Variants in GRIN1 observed in about 807,000 individuals in gnomAD.
The protein encoded by GRIN1 is glutamate ionotropic receptor NMDA type subunit 1.
Under a neutral mutation model 103.0 loss-of-function variants are expected in GRIN1, and 38 were observed. The observed-to-expected ratio is 0.37, with a 90% CI of 0.28 to 0.48. The LOEUF (loss-of-function observed/expected upper bound fraction) is 0.48, where lower values mean the gene tolerates loss of function less well. Ranked by LOEUF, GRIN1 falls within the 20% of genes least tolerant of loss-of-function variation. GRIN1 has a pLI of 0.98. For missense variants in GRIN1, 577 were observed against 1,288.9 expected (o/e 0.45, Z 8.46); for synonymous variants, 544 against 532.7 (o/e 1.02, Z -0.29).
chr9:137,150,420 C>T (rs188883507), intron 4 of GRIN1, among the ~76,000 whole-genome samples: 7 of 146,376 alleles, frequency 4.8e-5, no homozygotes, highest in Middle Eastern at 4.1e-3. Flanking sequence ...GGGAAAGCCC[C>T]ACCCAGGGAA....
At chr9:137,149,181 G>A in intron 4 of GRIN1, 72 bp downstream of exon 4, 2 of 1,046,480 alleles carry the variant, frequency 1.9e-6, no homozygotes, top group South Asian at 2.7e-5. Context: ...ATCTGAGCCA[G>A]AGCTGGGACA....
chr9:137,159,167 G>A (rs1017937571), intron 8 of GRIN1, among the ~76,000 whole-genome samples: 1 of 152,040 alleles, frequency 6.6e-6, no homozygotes, highest in African/African-American at 2.4e-5. Flanking sequence ...CTGGGCCTCT[G>A]AGAGCCTCTG....
intron 15 of GRIN1, 58 bp from the exon 16 acceptor site, chr9:137,163,111 G>T: frequency 6.3e-7 from 1 of 1,598,636 alleles, no homozygotes; most frequent in East Asian, 2.2e-5. Flanking sequence ...GAGGGCGCGG[G>T]CGTGGGGCTT....
rs979856924 is a variant in GRIN1 at position 137,163,474 on chromosome 9, AGGCCCCGCCCC to A, written c.2334-73_2334-63del. The A allele has an allele frequency of 7.5e-5, 102 of 1,361,158 alleles. No individual in the cohort carries two copies. In the African/African-American group the frequency reaches 1.3e-3, roughly 17 times the overall value. The allele number at this position is 1,361,158 out of a possible 1,614,324, so 84.3% of individuals were successfully genotyped here. On this transcript the variant is annotated intron_variant, in intron 16 of 19. Transcript: ENST00000371561. ...CACTCCACGCCGCACCCTACCCCGC[AGGCCCCGCCCC>A]GGCCCCGCCCCCAGCTTGCTCCTTC...
rs202160831 is a variant in GRIN1, at chr9:137,139,762, C to T, written c.258+18C>T. Reference sequence around the variant, plus strand: ...CCAGCCAGGTGCCCTCCCCCACCTCCGCCACCCACCTCCCCTCTCCTCCAT... The same window carrying T: ...CCAGCCAGGTGCCCTCCCCCACCTCTGCCACCCACCTCCCCTCTCCTCCAT... On this transcript the variant is annotated intron_variant, in intron 1 of 19. Transcript: ENST00000371561. The surrounding 1 kb of genome is among the most constrained non-coding windows in gnomAD (Gnocchi z 7.7). The T allele has an allele frequency of 1.7e-3, 2,643 of 1,597,266 alleles. 2 individuals carry two copies. The highest frequency in any genetic ancestry group is 1.8e-3 in the Non-Finnish European group (2,139 of 1,165,152).
chr9:137,147,733 G>C (rs1388825411), intron 3 of GRIN1, among the ~76,000 whole-genome samples: 1 of 152,270 alleles, frequency 6.6e-6, no homozygotes, highest in African/African-American at 2.4e-5. Context: ...AGGAGAGGGA[G>C]GGGGAGGGAC....
In GRIN1 at chr9:137,158,638, G is replaced by A. The variant is rs778284712; in HGVS notation, c.1131G>A (p.Arg377=). The change falls in exon 8 of 20, where the codon AGG becomes AGA. Residue 377 remains arginine (R), a synonymous_variant. Transcript: ENST00000371561. The part of the protein sequence containing the change: ...YNGTHVIPND[R]KIIWPGGETE... ...ACCCCCAGGTCATCCCTAATGACAG[G>A]AAGATCATCTGGCCAGGCGGAGAGA... is the stretch of plus-strand genomic sequence containing the variant. 3.5e-5 allele frequency: 56 copies of A among 1,612,754 alleles called. No individual in the cohort carries two copies. In the South Asian group the frequency reaches 5.8e-4, roughly 17 times the overall value.
At chr9:137,157,127 G>T in intron 6 of GRIN1, 90 bp downstream of exon 6, 3 of 1,144,676 alleles carry the variant, frequency 2.6e-6, no homozygotes, top group Non-Finnish European at 3.7e-6. Context: ...CTCTTGGGGA[G>T]GTGGGCGGGG....
In GRIN1 at chr9:137,158,620, G is replaced by C; in HGVS notation, c.1114-1G>C. On this transcript the variant is annotated splice_acceptor_variant, in intron 7 of 19. Coordinates refer to ENST00000371561, the MANE Select transcript of GRIN1 (RefSeq NM_007327.4). LOFTEE classifies it high-confidence loss of function. ...CCTCCATCTCATACTCCCACCCCCA[G>C]GTCATCCCTAATGACAGGAAGATCA... 1.2e-6 allele frequency: 2 copies of C among 1,612,610 alleles called. No homozygotes were observed. Among genetic ancestry groups the C allele is most frequent in the Non-Finnish European group, 1.7e-6 (2 of 1,179,746 alleles).
chr9:137,144,519 G>T (rs899652555), intron 2 of GRIN1, among the ~76,000 whole-genome samples: 2 of 152,132 alleles, frequency 1.3e-5, no homozygotes, highest in African/African-American at 4.8e-5. Flanking sequence ...GCCGGGCGTG[G>T]TGGCGGGCGC....
intron 4 of GRIN1, among the ~76,000 whole-genome samples, chr9:137,155,948 C>T (rs1018359389): frequency 1.3e-5 from 2 of 152,210 alleles, no homozygotes; most frequent in Non-Finnish European, 2.9e-5. Flanking sequence ...TCTGGCCGTC[C>T]CCAGGACGCT....
intron 18 of GRIN1, 58 bp from the exon 19 acceptor site, chr9:137,165,128 C>T (rs1564366666): frequency 1.1e-5 from 14 of 1,227,142 alleles, no homozygotes; most frequent in East Asian, 7.0e-5. Context: ...CAGGAGCAGG[C>T]GAGGGCAGGT....
At position 137,139,159 on chromosome 9, in the gene GRIN1, C is replaced by A; in HGVS notation, c.-328C>A. ...CTCGCGTTTCTGCAGCTGCTGCAGTCGCCGCAGCGTCCGGACCGGAACCAG... is the reference window on the plus strand; with the variant it reads ...CTCGCGTTTCTGCAGCTGCTGCAGTAGCCGCAGCGTCCGGACCGGAACCAG... On this transcript the variant is annotated 5_prime_UTR_variant, in exon 1 of 20. Coordinates refer to ENST00000371561, the MANE Select transcript of GRIN1 (RefSeq NM_007327.4). The surrounding 1 kb of genome is among the most constrained non-coding windows in gnomAD (Gnocchi z 7.7). 3 of 154,522 alleles carry A rather than the reference C, an allele frequency of 1.9e-5. No individual in the cohort carries two copies. In the South Asian group the frequency reaches 5.5e-4, roughly 28 times the overall value. The allele number at this position is 154,522 out of a possible 1,614,324, so 9.6% of individuals were successfully genotyped here. A position where few individuals can be genotyped will look rare whatever the true frequency, so the allele number is the denominator to read the frequency against.
chr9:137,162,974 G>GA lies in GRIN1; in HGVS notation c.2142_2143insA (p.Ala715SerfsTer85). ...TGGAGAAGCACAACTACGAGAGTGC[G>GA]GCGGAGGCCATCCAGGCCGTGAGAG... On this transcript the variant is annotated frameshift_variant, in exon 15 of 20. Coordinates refer to ENST00000371561, the MANE Select transcript of GRIN1 (RefSeq NM_007327.4). LOFTEE classifies it high-confidence loss of function. 1 of 1,605,820 alleles carries GA rather than the reference G, an allele frequency of 6.2e-7. No homozygotes were observed. The highest frequency in any genetic ancestry group is 8.5e-7 in the Non-Finnish European group (1 of 1,177,128).
At chr9:137,165,022 A>C (rs1588739183) in intron 18 of GRIN1, 164 bp from the exon 19 acceptor site, 1 of 676,044 alleles carries the variant, frequency 1.5e-6, no homozygotes, top group Non-Finnish European at 2.7e-6. Context: ...AGAAGAGGCC[A>C]CCCTCGAACG....
At chr9:137,147,359 C>T (rs1214095346) in intron 3 of GRIN1, among the ~76,000 whole-genome samples, 1 of 152,138 alleles carries the variant, frequency 6.6e-6, no homozygotes, top group Non-Finnish European at 1.5e-5. Context: ...GTGCGCTCCT[C>T]ATGTGCATGC....
intron 3 of GRIN1, 67 bp downstream of exon 3, chr9:137,145,969 G>C (rs1832508735): frequency 4.3e-6 from 5 of 1,153,542 alleles, no homozygotes; most frequent in Non-Finnish European, 5.0e-6. Flanking sequence ...CCTTGTGTCT[G>C]TGGCTCCGTG....
chr9:137,144,019 A>G (rs1322680633), intron 2 of GRIN1, among the ~76,000 whole-genome samples: 2 of 152,224 alleles, frequency 1.3e-5, no homozygotes, highest in East Asian at 3.8e-4. Context: ...TAGCCCCAAG[A>G]GTGAATTCTT....
chr9:137,144,498 C>CA lies in GRIN1; in HGVS notation c.394-1221dup, dbSNP rs575563220. 7.6e-4 allele frequency among the ~76,000 whole-genome samples: 116 copies of CA among 151,928 alleles called. 4 individuals are homozygous for CA. The East Asian group carries it at 0.02, about 26-fold the overall frequency. ...TGAAACCCCATCTCCACTAAAAATA[C>CA]AAAAAAATTAGCCGGGCGTGGTGGC... On this transcript the variant is annotated intron_variant, in intron 2 of 19. Coordinates refer to ENST00000371561, the MANE Select transcript of GRIN1 (RefSeq NM_007327.4).
Sources: gnomAD v4.1 joint callset for allele counts (sites outside exome capture counted in the v4.1 genomes callset) on GRCh38, gnomAD v4.1.1 for gene constraint, Gnocchi (gnomAD v3.1) non-coding constraint, MANE v1.5 for transcripts, NCBI Gene and HGNC (gene_info 2026-07-23, HGNC 2026-07-21) for gene names.